Variants in SMARCA4 observed in about 807,000 individuals in gnomAD.
The protein encoded by SMARCA4 is SWI/SNF related BAF chromatin remodeling complex subunit ATPase 4.
A neutral mutation model predicts 193.9 loss-of-function variants in SMARCA4; 31 were observed. The ratio of observed to expected loss-of-function variants is 0.16; its 90% CI spans 0.12 to 0.22. SMARCA4 has a LOEUF of 0.22. Ranked by LOEUF, SMARCA4 falls within the 10% of genes least tolerant of loss-of-function variation. The pLI is 1.00. For synonymous variants in SMARCA4, 942 were observed against 933.1 expected, an observed-to-expected ratio of 1.01 and a Z score of -0.17; for missense variants, 1,148 against 2,296.0, an observed-to-expected ratio of 0.50 and a Z score of 10.22.
chr19:10,970,295 C>T (rs1003589615), intron 1 of SMARCA4, among the ~76,000 whole-genome samples: 3 of 152,164 alleles, frequency 2.0e-5, no homozygotes, highest in Admixed American at 6.6e-5. Context: ...TAGTTCTGGG[C>T]GCTGCTTTAG....
chr19:11,009,925 G>A (rs1568465988), intron 14 of SMARCA4, among the ~76,000 whole-genome samples: 1 of 152,080 alleles, frequency 6.6e-6, no homozygotes, highest in Non-Finnish European at 1.5e-5. Flanking sequence ...CTGACCTCAG[G>A]TGATCCACAT....
chr19:10,986,738 G>T lies in SMARCA4; in HGVS notation c.760+145G>T. 7.5e-7 allele frequency: 1 copy of T among 1,337,872 alleles called. No individual in the cohort carries two copies. The highest frequency in any genetic ancestry group is 2.5e-5 in the East Asian group (1 of 40,056). The allele number at this position is 1,337,872 out of a possible 1,614,324, so 82.9% of individuals were successfully genotyped here. A position where few individuals can be genotyped will look rare whatever the true frequency, so the allele number is the denominator to read the frequency against. On this transcript the variant is annotated intron_variant, in intron 4 of 34. Coordinates refer to ENST00000344626, the MANE Select transcript of SMARCA4 (RefSeq NM_003072.5). The surrounding 1 kb of genome is among the most constrained non-coding windows in gnomAD (Gnocchi z 6.7). ...CCATACTGCACTTCTGGGTGCTCGGGTGGTGGGGGCAGCTAAATGCTGCTT... is the reference window on the plus strand; with the variant it reads ...CCATACTGCACTTCTGGGTGCTCGGTTGGTGGGGGCAGCTAAATGCTGCTT...
intron 8 of SMARCA4, 40 bp from the exon 9 acceptor site, chr19:10,994,788 C>T (rs2086873944): frequency 5.7e-6 from 9 of 1,581,968 alleles, no homozygotes; most frequent in Non-Finnish European, 7.8e-6. Flanking sequence ...GTCCACCATG[C>T]TGCTGAAGGG....
intron 11 of SMARCA4, among the ~76,000 whole-genome samples, chr19:11,000,055 G>A (rs1476765578): frequency 6.6e-6 from 1 of 151,750 alleles, no homozygotes; most frequent in Non-Finnish European, 1.5e-5. Flanking sequence ...GTGAAACCTC[G>A]TCTCTGCTAA....
chr19:11,056,922 G>C (rs1159670806), intron 30 of SMARCA4, among the ~76,000 whole-genome samples: 1 of 152,244 alleles, frequency 6.6e-6, no homozygotes, highest in Non-Finnish European at 1.5e-5. Context: ...ACAGAAGCAA[G>C]ACAAGGCGCA....
rs377397238 is a variant in SMARCA4 at position 10,982,431 on chromosome 19, G to A, written c.-31-1690G>A. ...GGAGGTTGCCGTAAGCCAAGATCAC[G>A]CCATTGCACTCCAGCCTGGGCAACA... On this transcript the variant is annotated intron_variant, in intron 1 of 34. Coordinates refer to ENST00000344626, the MANE Select transcript of SMARCA4 (RefSeq NM_003072.5). 1.7e-3 allele frequency among the ~76,000 whole-genome samples: 259 copies of A among 151,970 alleles called. 1 individual carries two copies. Among genetic ancestry groups the A allele is most frequent in the Middle Eastern group, 6.8e-3 (2 of 292 alleles).
At chr19:11,025,343 C>T (rs919166869) in intron 21 of SMARCA4, 79 bp from the exon 22 acceptor site, 23 of 912,992 alleles carry the variant, frequency 2.5e-5, no homozygotes, top group Non-Finnish European at 2.0e-5. Context: ...GCCCTTCTCC[C>T]AACACCCACC....
In SMARCA4 at chr19:11,047,410, GT is replaced by G. The variant is rs71164138; in HGVS notation, c.4424+5865del. 1.7e-3 allele frequency among the ~76,000 whole-genome samples: 250 copies of G among 143,796 alleles called. 3 individuals are homozygous for G. Among genetic ancestry groups the G allele is most frequent in the Middle Eastern group, 3.5e-3 (1 of 282 alleles). 94.3% of individuals were successfully genotyped at this position (143,796 alleles called of 152,430 possible). Reference sequence around the variant, plus strand: ...ACCAGAGAAGCCTCCGTGTCCAGAGGTTTTTTTTTTTTTTTGGAGATGCAGT... The same window carrying G: ...ACCAGAGAAGCCTCCGTGTCCAGAGGTTTTTTTTTTTTTTGGAGATGCAGT... On this transcript the variant is annotated intron_variant, in intron 30 of 34. Transcript: ENST00000344626.
rs878854241 is a variant in SMARCA4 at position 10,986,565 on chromosome 19, G to A, written c.732G>A (p.Pro244=). ...PGPGPGPGPG[P]APPNYSRPHG... is the part of the protein sequence containing the mutation. Reference sequence around the variant, plus strand: ...CTGGCCCCGGCCCGGGTCCCGGCCCGGCACCTCCAAATTACAGCAGGCCTC... The same window carrying A: ...CTGGCCCCGGCCCGGGTCCCGGCCCAGCACCTCCAAATTACAGCAGGCCTC... The change falls in exon 4 of 35, where the codon CCG becomes CCA. Residue 244 remains proline (P), a synonymous_variant. Transcript: ENST00000344626. The surrounding 1 kb of genome is among the most constrained non-coding windows in gnomAD (Gnocchi z 6.7). 3.2e-5 allele frequency: 49 copies of A among 1,537,374 alleles called. No individual in the cohort carries two copies. The highest frequency in any genetic ancestry group is 2.3e-4 in the African/African-American group (17 of 73,002).
In SMARCA4 at chr19:11,019,542, TGGCCACCC is replaced by T. The variant is rs2146370867; in HGVS notation, c.2506-45_2506-38del. The T allele has an allele frequency of 1.5e-6, 2 of 1,309,208 alleles. No homozygotes were observed. The highest frequency in any genetic ancestry group is 2.2e-6 in the Non-Finnish European group (2 of 920,600). 81.1% of individuals were successfully genotyped at this position (1,309,208 alleles called of 1,614,324 possible). On this transcript the variant is annotated intron_variant, in intron 17 of 34. Coordinates refer to ENST00000344626, the MANE Select transcript of SMARCA4 (RefSeq NM_003072.5). This position sits in a 1 kb window ranked among gnomAD's most constrained non-coding sequence, Gnocchi z 6.1. ...GGGTGCCTGTGCCCCTCTTGCCACC[TGGCCACCC>T]GGCTCCAAAAGCCGAGCTGTGCATC... is the stretch of plus-strand genomic sequence containing the variant.
rs542114871 is a variant in SMARCA4 at position 10,966,201 on chromosome 19, C to T, written c.-32+5027C>T. On this transcript the variant is annotated intron_variant, in intron 1 of 34. Transcript: ENST00000344626. ...GTTTCACCATGTTGACCAGGCTGGT[C>T]TTGAACTTCTGACCTCAGGTGACCC... Among the ~76,000 whole-genome samples, 3 of 151,958 alleles carry T rather than the reference C, an allele frequency of 2.0e-5. No individual in the cohort carries two copies. The South Asian group carries it at 6.3e-4, about 32-fold the overall frequency.
chr19:11,049,765 C>T (rs1049665601), intron 30 of SMARCA4, among the ~76,000 whole-genome samples: 2 of 152,194 alleles, frequency 1.3e-5, no homozygotes. Context: ...CGCCAGCCAC[C>T]AGCCTGCCTG....
At position 11,030,452 on chromosome 19, in the gene SMARCA4, G is replaced by C. The variant is rs754950440; in HGVS notation, c.3383-278G>C. Among the ~76,000 whole-genome samples, 1 of 152,232 alleles carries C rather than the reference G, an allele frequency of 6.6e-6. No homozygotes were observed. The highest frequency in any genetic ancestry group is 1.5e-5 in the Non-Finnish European group (1 of 68,046). Reference sequence around the variant, plus strand: ...GACGCTGTGGCCTAGCTGTGGGCTGGGTGCTGGACTCTGTGCTCCAGGCCC... The same window carrying C: ...GACGCTGTGGCCTAGCTGTGGGCTGCGTGCTGGACTCTGTGCTCCAGGCCC... On this transcript the variant is annotated intron_variant, in intron 24 of 34. Coordinates refer to ENST00000344626, the MANE Select transcript of SMARCA4 (RefSeq NM_003072.5). The surrounding 1 kb of genome is among the most constrained non-coding windows in gnomAD (Gnocchi z 5.5).
chr19:11,007,919 G>T lies in SMARCA4; in HGVS notation c.2019G>T (p.Gln673His), dbSNP rs1463911723. 3 of 1,613,532 alleles carry T rather than the reference G, an allele frequency of 1.9e-6. No individual in the cohort carries two copies. In the African/African-American group the frequency reaches 4.0e-5, roughly 22 times the overall value. Residue 673 changes from glutamine (Q) to histidine (H), a missense_variant, in exon 14 of 35, where the codon CAG becomes CAT. Physicochemically the swap from Gln to His is conservative, Grantham distance 24. This residue lies in a region of SMARCA4 where 115 missense variants were observed against 175.1 expected (regional missense o/e 0.66). Transcript: ENST00000344626. ...CTTGGTAGGAGGAGGAGGAAGAGCA[G>T]CCGCAGGCAGCACAGCCTCCCACCC... is the stretch of plus-strand genomic sequence containing the variant. ...EEEEEEEEEEQPQAAQPPTLP... is the reference protein window; with the variant it reads ...EEEEEEEEEEHPQAAQPPTLP...
chr19:11,022,388 GGTCAGGTTCTGTCTTACGTTGTTTT>G (rs1385255754), intron 19 of SMARCA4, among the ~76,000 whole-genome samples: 1 of 152,210 alleles, frequency 6.6e-6, no homozygotes, highest in Non-Finnish European at 1.5e-5. Flanking sequence ...GGGGCCACAT[GGTCAGGTTCTGTCTTACGTTGTTTT>G]CAAAAAGCTC....
chr19:11,028,829 C>T (rs900634313), intron 24 of SMARCA4, among the ~76,000 whole-genome samples: 4 of 150,926 alleles, frequency 2.7e-5, no homozygotes, highest in African/African-American at 7.3e-5. Flanking sequence ...ACGAGAAACA[C>T]GAGCATGAGC....
rs2075043261 is a variant in SMARCA4, at chr19:11,033,124, C to T, written c.3547-166C>T. 2 of 688,486 alleles carry T rather than the reference C, an allele frequency of 2.9e-6. No homozygotes were observed. The highest frequency in any genetic ancestry group is 4.0e-5 in the Admixed American group (2 of 49,570). 42.6% of individuals were successfully genotyped at this position (688,486 alleles called of 1,614,324 possible). A position where few individuals can be genotyped will look rare whatever the true frequency, so the allele number is the denominator to read the frequency against. On this transcript the variant is annotated intron_variant, in intron 25 of 34. Coordinates refer to ENST00000344626, the MANE Select transcript of SMARCA4 (RefSeq NM_003072.5). The surrounding 1 kb of genome is among the most constrained non-coding windows in gnomAD (Gnocchi z 9.8). ...CTTCCCCCGAGGGACACATGGCGGCCCAGGCTCCACCAGCTCTGTTTTCAT... is the reference window on the plus strand; with the variant it reads ...CTTCCCCCGAGGGACACATGGCGGCTCAGGCTCCACCAGCTCTGTTTTCAT...
In SMARCA4 at chr19:11,003,063, C is replaced by T. The variant is rs755935365; in HGVS notation, c.1847C>T (p.Pro616Leu). 3.8e-5 allele frequency: 61 copies of T among 1,613,958 alleles called. No homozygotes were observed. Among genetic ancestry groups the T allele is most frequent in the African/African-American group, 8.0e-5 (6 of 74,912 alleles). Residue 616 changes from proline to leucine, a missense_variant, in exon 12 of 35, where the codon CCG becomes CTG. This residue lies in a region of SMARCA4 where 115 missense variants were observed against 175.1 expected (regional missense o/e 0.66). Transcript: ENST00000344626. ...LDETSQMSDL[P>L]VKVIHVESGK... ...GAGACCAGCCAGATGAGCGACCTCC[C>T]GGTGAAGGTGATCCACGTGGAGAGT...
rs2075140924 is a variant in SMARCA4, at chr19:11,034,480, A to G, written c.3951+280A>G. On this transcript the variant is annotated intron_variant, in intron 28 of 34. Coordinates refer to ENST00000344626, the MANE Select transcript of SMARCA4 (RefSeq NM_003072.5). The surrounding 1 kb of genome is among the most constrained non-coding windows in gnomAD (Gnocchi z 7.0). ...TAACGGGCTCTCCAGGGCTTCATGC[A>G]CTCCCTTTCAGAGGGAGTTCGCCCT... Among the ~76,000 whole-genome samples, 2 of 151,730 alleles carry G rather than the reference A, an allele frequency of 1.3e-5. No homozygotes were observed. Among genetic ancestry groups the G allele is most frequent in the African/African-American group, 4.8e-5 (2 of 41,290 alleles).
Sources: allele counts gnomAD v4.1 joint callset (sites outside exome capture counted in the v4.1 genomes callset), GRCh38; gene constraint gnomAD v4.1.1; regional missense constraint gnomAD v4.1.1; non-coding constraint Gnocchi (gnomAD v3.1); transcripts MANE v1.5; gene names NCBI Gene and HGNC (gene_info 2026-07-23, HGNC 2026-07-21).